The following SLF1 variants were observed in gnomAD, a reference collection of about 807,000 sequenced individuals.
The protein encoded by SLF1 is SMC5/6 complex localization factor 1, also known as SMC5-SMC6 complex localization factor protein 1.
SLF1 carries 105 observed loss-of-function variants against 123.0 expected under a neutral mutation model. The observed-to-expected ratio is 0.85, with a 90% CI of 0.73 to 1.00. The LOEUF is 1.00. Ranked by LOEUF, SLF1 falls within the 50% of genes least tolerant of loss-of-function variation. The probability of loss-of-function intolerance (pLI) is 0.00; values close to 1 mark genes in which losing one functional copy is unlikely to be tolerated. For missense variants in SLF1, 1,239 were observed against 1,223.0 expected, an observed-to-expected ratio of 1.01 and a Z score of -0.20; for synonymous variants, 434 against 406.6, an observed-to-expected ratio of 1.07 and a Z score of -0.81.
At chr5:94,663,274 C>T (rs934450797) in intron 10 of SLF1, among the ~76,000 whole-genome samples, 8 of 152,176 alleles carry the variant, frequency 5.3e-5, no homozygotes, top group Non-Finnish European at 1.2e-4. Flanking sequence ...TCATACATAT[C>T]ATCCTCTTTG....
At chr5:94,635,367 T>G (rs1310485425) in intron 4 of SLF1, among the ~76,000 whole-genome samples, 1 of 150,320 alleles carries the variant, frequency 6.7e-6, no homozygotes, top group Non-Finnish European at 1.5e-5. Flanking sequence ...TTTTTGCTTT[T>G]TCAATCTTTT....
chr5:94,666,151 TGTA>T, intron 12 of SLF1, 127 bp downstream of exon 12: 2 of 882,766 alleles, frequency 2.3e-6, no homozygotes, highest in Non-Finnish European at 3.2e-6. Flanking sequence ...AATACAAATA[TGTA>T]TTGTATTTAT....
intron 6 of SLF1, among the ~76,000 whole-genome samples, chr5:94,650,607 G>A (rs948928456): frequency 3.9e-5 from 6 of 151,958 alleles, no homozygotes; most frequent in Non-Finnish European, 5.9e-5. Context: ...CTCGTGATCC[G>A]CCCGCCTCGG....
At chr5:94,687,193 G>A (rs1453668268) in intron 16 of SLF1, among the ~76,000 whole-genome samples, 2 of 152,182 alleles carry the variant, frequency 1.3e-5, no homozygotes, top group African/African-American at 2.4e-5. Context: ...GAAAGCCAGC[G>A]GCCGTGCTGA....
At chr5:94,631,873 G>C (rs1013454856) in intron 4 of SLF1, among the ~76,000 whole-genome samples, 3 of 152,006 alleles carry the variant, frequency 2.0e-5, no homozygotes, top group Admixed American at 6.6e-5. Flanking sequence ...CTAGCACTTT[G>C]AGAGGCCAAG....
At chr5:94,692,706 T>TA (rs1030741406) in intron 20 of SLF1, among the ~76,000 whole-genome samples, 7 of 152,106 alleles carry the variant, frequency 4.6e-5, no homozygotes, top group Non-Finnish European at 8.8e-5. Flanking sequence ...GTACAGACTG[T>TA]AAAAAAATGA....
chr5:94,633,473 T>C (rs1293979651), intron 4 of SLF1, among the ~76,000 whole-genome samples: 1 of 152,208 alleles, frequency 6.6e-6, no homozygotes, highest in African/African-American at 2.4e-5. Context: ...AATGTGATAT[T>C]TAATGGTGAA....
intron 4 of SLF1, among the ~76,000 whole-genome samples, chr5:94,638,186 T>C (rs1031038859): frequency 6.6e-6 from 1 of 151,834 alleles, no homozygotes; most frequent in African/African-American, 2.4e-5. Flanking sequence ...TATTTTTTAT[T>C]TTATTTTTTT....
chr5:94,657,413 T>G (rs1168608354), intron 9 of SLF1, among the ~76,000 whole-genome samples: 1 of 152,060 alleles, frequency 6.6e-6, no homozygotes, highest in Admixed American at 6.6e-5. Flanking sequence ...AGATATTTGA[T>G]ATGACTTCAG....
intron 4 of SLF1, among the ~76,000 whole-genome samples, chr5:94,635,872 T>A (rs1471794870): frequency 6.6e-6 from 1 of 152,232 alleles, no homozygotes; most frequent in Non-Finnish European, 1.5e-5. Flanking sequence ...AATATGATTC[T>A]ACATTACTTA....
intron 11 of SLF1, among the ~76,000 whole-genome samples, chr5:94,665,138 C>T (rs1749590909): frequency 2.0e-5 from 3 of 152,132 alleles, no homozygotes; most frequent in South Asian, 4.1e-4. Flanking sequence ...CTTTATTTTA[C>T]AGGTGAGGAA....
intron 14 of SLF1, 200 bp from the exon 15 acceptor site, chr5:94,678,608 A>T: frequency 2.4e-6 from 1 of 412,268 alleles, no homozygotes; most frequent in Non-Finnish European, 4.2e-6. Context: ...TGCTTTGTTA[A>T]CTCTTTTGTC....
intron 5 of SLF1, among the ~76,000 whole-genome samples, chr5:94,646,878 A>G (rs1747133767): frequency 1.3e-5 from 2 of 152,188 alleles, no homozygotes; most frequent in Admixed American, 1.3e-4. Flanking sequence ...CTTGAGTAAT[A>G]GTTACTGAGT....
At chr5:94,680,475 C>T (rs1039379890) in intron 15 of SLF1, among the ~76,000 whole-genome samples, 1 of 152,090 alleles carries the variant, frequency 6.6e-6, no homozygotes, top group Non-Finnish European at 1.5e-5. Flanking sequence ...TTATCCTTTT[C>T]AGAAAACAGA....
chr5:94,670,144 T>G lies in SLF1; in HGVS notation c.1533-7T>G. 6.5e-7 allele frequency: 1 copy of G among 1,533,390 alleles called. No individual in the cohort carries two copies. Among genetic ancestry groups the G allele is most frequent in the Non-Finnish European group, 8.8e-7 (1 of 1,139,560 alleles). The allele number at this position is 1,533,390 out of a possible 1,614,324, so 95.0% of individuals were successfully genotyped here. On this transcript the variant is annotated splice_region_variant and splice_polypyrimidine_tract_variant and intron_variant, in intron 12 of 20. Transcript: ENST00000265140. ...ATGTTATAGATTTTTGGGTTCATGT[T>G]TTTCAGGTCTTGCCTTTTCAATGAA...
At chr5:94,688,693 T>C (rs764940610) in intron 17 of SLF1, 24 bp downstream of exon 17, 1 of 1,612,160 alleles carries the variant, frequency 6.2e-7, no homozygotes, top group South Asian at 1.1e-5. Context: ...ATATCCCAGC[T>C]GTGCTTTGTT....
At chr5:94,678,069 C>T (rs888571462) in intron 14 of SLF1, among the ~76,000 whole-genome samples, 1 of 151,924 alleles carries the variant, frequency 6.6e-6, no homozygotes, top group Non-Finnish European at 1.5e-5. Context: ...TGCAGGTGCC[C>T]GCCACCACGC....
chr5:94,627,585 C>CACATATAT (rs1744606704), intron 1 of SLF1, among the ~76,000 whole-genome samples: 1 of 86,824 alleles, frequency 1.2e-5, no homozygotes, highest in East Asian at 2.5e-4. Context: ...ATGAAATTAA[C>CACATATAT]ATATATATAT....
intron 4 of SLF1, among the ~76,000 whole-genome samples, chr5:94,636,915 T>C (rs1745870124): frequency 6.6e-6 from 1 of 152,062 alleles, no homozygotes; most frequent in African/African-American, 2.4e-5. Flanking sequence ...AGATGGAGTT[T>C]TGCCATGTTG....
Sources: allele counts gnomAD v4.1 joint callset (sites outside exome capture counted in the v4.1 genomes callset), GRCh38; gene constraint gnomAD v4.1.1; transcripts MANE v1.5; gene names NCBI Gene and HGNC (gene_info 2026-07-23, HGNC 2026-07-21).